Variants in CDH12 observed in about 807,000 individuals in gnomAD.
CDH12 encodes the protein cadherin-12.
In CDH12, 41 loss-of-function variants were observed where a neutral mutation model predicts 74.1. That is an observed-to-expected ratio of 0.55 (90% CI 0.43 to 0.72). CDH12 has a LOEUF of 0.72. Ranked by LOEUF, CDH12 falls within the 30% of genes least tolerant of loss-of-function variation. The pLI is 0.00. For synonymous variants in CDH12, 399 were observed against 355.0 expected, an observed-to-expected ratio of 1.12 and a Z score of -1.39; for missense variants, 945 against 977.2, an observed-to-expected ratio of 0.97 and a Z score of 0.44.
In CDH12 at chr5:21,849,583, C is replaced by T. The variant is rs10052337; in HGVS notation, c.646+5088G>A. On this transcript the variant is annotated intron_variant, in intron 7 of 14. Coordinates refer to ENST00000382254, the MANE Select transcript of CDH12 (RefSeq NM_004061.5). The stretch of plus-strand genomic sequence containing the variant: ...TTGCTATCCCATAATCAATTCTTGC[C>T]TTAATGCTTCCTGGCAACTTATTTA... 6.7e-3 allele frequency among the ~76,000 whole-genome samples: 1,016 copies of T among 151,758 alleles called. 10 individuals are homozygous for T. Among genetic ancestry groups the T allele is most frequent in the African/African-American group, 0.021 (888 of 41,460 alleles).
At chr5:22,629,942 A>C (rs1430142356) in intron 1 of CDH12, among the ~76,000 whole-genome samples, 1 of 152,128 alleles carries the variant, frequency 6.6e-6, no homozygotes, top group Admixed American at 6.6e-5. Flanking sequence ...TACAAAAATT[A>C]GTAGGTTTCT....
intron 1 of CDH12, among the ~76,000 whole-genome samples, chr5:22,668,645 A>G (rs776302160): frequency 2.0e-5 from 3 of 152,098 alleles, no homozygotes; most frequent in African/African-American, 7.2e-5. Context: ...TCTCTCTCTT[A>G]TGGTAACCCA....
chr5:22,376,046 A>AT (rs1741508776), intron 3 of CDH12, among the ~76,000 whole-genome samples: 1 of 152,210 alleles, frequency 6.6e-6, no homozygotes, highest in South Asian at 2.1e-4. Flanking sequence ...ATTGCAAAAA[A>AT]ACAGAATCAA....
chr5:22,773,646 G>A (rs1746930843), intron 1 of CDH12, among the ~76,000 whole-genome samples: 1 of 151,940 alleles, frequency 6.6e-6, no homozygotes, highest in South Asian at 2.1e-4. Context: ...AAATAGACAA[G>A]TGGGACCTAA....
intron 1 of CDH12, among the ~76,000 whole-genome samples, chr5:22,618,139 T>C (rs1737781604): frequency 6.6e-6 from 1 of 152,110 alleles, no homozygotes; most frequent in Non-Finnish European, 1.5e-5. Flanking sequence ...TTTAAGACAA[T>C]ATTTAGTTTG....
chr5:22,367,028 G>T (rs920527033), intron 3 of CDH12, among the ~76,000 whole-genome samples: 6 of 152,178 alleles, frequency 3.9e-5, no homozygotes, highest in Non-Finnish European at 8.8e-5. Context: ...ACTTTGTTCA[G>T]AAAGTATTTG....
chr5:22,574,073 CTTTTT>C (rs543910610), intron 1 of CDH12, among the ~76,000 whole-genome samples: 3 of 87,438 alleles, frequency 3.4e-5, no homozygotes, highest in African/African-American at 4.6e-5. Flanking sequence ...GTCTCTCTCT[CTTTTT>C]TTTTTTTTTT....
chr5:22,240,789 C>T (rs1456402943), intron 3 of CDH12, among the ~76,000 whole-genome samples: 1 of 152,192 alleles, frequency 6.6e-6, no homozygotes, highest in East Asian at 1.9e-4. Context: ...CCTCCTCAGC[C>T]TCCCAAAGTG....
At position 22,698,708 on chromosome 5, in the gene CDH12, T is replaced by G. The variant is rs1457787076; in HGVS notation, c.-523+154350A>C. On this transcript the variant is annotated intron_variant, in intron 1 of 14. Transcript: ENST00000382254. ...ATATATATATATATATATATATATA[T>G]ATATATATATATATATATATATATA... is the stretch of plus-strand genomic sequence containing the variant. Among the ~76,000 whole-genome samples, 82 of 18,936 alleles carry G rather than the reference T, an allele frequency of 4.3e-3. 7 individuals are homozygous for G. The highest frequency in any genetic ancestry group is 0.016 in the Admixed American group (20 of 1,266). 12.4% of individuals were successfully genotyped at this position (18,936 alleles called of 152,430 possible).
intron 1 of CDH12, among the ~76,000 whole-genome samples, chr5:22,730,761 A>AT (rs901179671): frequency 4.0e-5 from 6 of 151,714 alleles, no homozygotes; most frequent in African/African-American, 9.7e-5. Flanking sequence ...AGGAAAAATG[A>AT]TTTTTTTAAT....
At chr5:22,480,985 A>C (rs1055934856) in intron 2 of CDH12, among the ~76,000 whole-genome samples, 1 of 152,358 alleles carries the variant, frequency 6.6e-6, no homozygotes, top group East Asian at 1.9e-4. Context: ...CAATCAAGGT[A>C]AAATATGTTA....
At chr5:22,072,151 C>T (rs941158746) in intron 5 of CDH12, among the ~76,000 whole-genome samples, 6 of 151,998 alleles carry the variant, frequency 3.9e-5, no homozygotes, top group African/African-American at 7.2e-5. Context: ...GCTGTCTGAT[C>T]GGTCATTCTA....
At chr5:22,242,400 T>A (rs1752782719) in intron 3 of CDH12, among the ~76,000 whole-genome samples, 1 of 152,194 alleles carries the variant, frequency 6.6e-6, no homozygotes, top group Non-Finnish European at 1.5e-5. Context: ...TTATAACTCC[T>A]CATTTTAGCT....
At chr5:22,804,210 G>A (rs1748670263) in intron 1 of CDH12, among the ~76,000 whole-genome samples, 2 of 152,164 alleles carry the variant, frequency 1.3e-5, no homozygotes, top group South Asian at 2.1e-4. Context: ...TGATAGTGAA[G>A]ACAAGGAAAT....
intron 2 of CDH12, among the ~76,000 whole-genome samples, chr5:22,503,709 TA>T (rs1299786296): frequency 1.3e-5 from 2 of 152,144 alleles, no homozygotes; most frequent in Non-Finnish European, 2.9e-5. Flanking sequence ...AAACTATTTT[TA>T]TTTCTTCTTA....
At chr5:22,839,051 G>A (rs76257266) in intron 1 of CDH12, among the ~76,000 whole-genome samples, 1,739 of 152,106 alleles carry the variant, frequency 0.011, 13 homozygotes, top group Non-Finnish European at 0.017. Flanking sequence ...TAGTGTCGGT[G>A]TTTTTGTTAA....
At chr5:22,215,910 G>A (rs114971424) in intron 3 of CDH12, among the ~76,000 whole-genome samples, 401 of 152,122 alleles carry the variant, frequency 2.6e-3, no homozygotes, top group African/African-American at 9.2e-3. Flanking sequence ...TGATGATAAC[G>A]CAAACTAATG....
intron 12 of CDH12, among the ~76,000 whole-genome samples, chr5:21,761,227 A>G (rs16888447): frequency 0.031 from 4,779 of 152,228 alleles, 89 homozygotes; most frequent in Middle Eastern, 0.058. Context: ...GTTTTTAATA[A>G]GCACTATCAT....
chr5:22,511,312 G>T lies in CDH12; in HGVS notation c.-522-5948C>A, dbSNP rs1736596715. ...AGCTAAACTTGCAAAGAAAAGAAAA[G>T]CTATGTCATTGACTATGAGAAAATA... On this transcript the variant is annotated intron_variant, in intron 1 of 14. Transcript: ENST00000382254. Among the ~76,000 whole-genome samples the T allele has an allele frequency of 4.6e-5, 7 of 152,154 alleles. No individual in the cohort carries two copies. In the South Asian group the frequency reaches 1.4e-3, roughly 32 times the overall value.
Sources: allele counts gnomAD v4.1 joint callset (sites outside exome capture counted in the v4.1 genomes callset), GRCh38; gene constraint gnomAD v4.1.1; transcripts MANE v1.5; gene names NCBI Gene and HGNC (gene_info 2026-07-23, HGNC 2026-07-21).